NSMCE2: variants seen among roughly 807,000 people sequenced by gnomAD.
The protein encoded by NSMCE2 is E3 SUMO-protein ligase NSE2.
Under a neutral mutation model 23.8 loss-of-function variants are expected in NSMCE2, and 24 were observed. The ratio of observed to expected loss-of-function variants is 1.01; its 90% CI spans 0.73 to 1.42. The LOEUF (loss-of-function observed/expected upper bound fraction) is 1.42. NSMCE2 is among the 40% of genes most tolerant of loss of function. The pLI is 0.00. For synonymous variants in NSMCE2, 92 were observed against 94.1 expected (o/e 0.98, Z 0.13); for missense variants, 284 against 296.5 (o/e 0.96, Z 0.31).
chr8:125,197,778 G>T (rs1224208846), intron 5 of NSMCE2, among the ~76,000 whole-genome samples: 1 of 152,132 alleles, frequency 6.6e-6, no homozygotes, highest in Non-Finnish European at 1.5e-5. Flanking sequence ...AAATTACTTT[G>T]GGCAGTATGG....
chr8:125,147,967 T>C (rs1342668639), intron 3 of NSMCE2, among the ~76,000 whole-genome samples: 1 of 152,192 alleles, frequency 6.6e-6, no homozygotes, highest in Non-Finnish European at 1.5e-5. Flanking sequence ...GTTCTCATCG[T>C]AGGTCTCTGG....
At chr8:125,173,973 G>A (rs1196040739) in intron 4 of NSMCE2, among the ~76,000 whole-genome samples, 1 of 152,112 alleles carries the variant, frequency 6.6e-6, no homozygotes, top group East Asian at 1.9e-4. Flanking sequence ...CCACTCAGAC[G>A]AAAGGTGCTG....
chr8:125,173,074 G>A (rs1216373319), intron 4 of NSMCE2, among the ~76,000 whole-genome samples: 3 of 152,158 alleles, frequency 2.0e-5, no homozygotes, highest in African/African-American at 7.2e-5. Context: ...TCATCCTGTT[G>A]CAACAATCTT....
chr8:125,150,283 C>T (rs1294972896), intron 3 of NSMCE2, among the ~76,000 whole-genome samples: 1 of 152,012 alleles, frequency 6.6e-6, no homozygotes, highest in East Asian at 1.9e-4. Flanking sequence ...CATTCTGTTG[C>T]CCCACTTCTC....
At chr8:125,345,984 C>T (rs536820224) in intron 5 of NSMCE2, among the ~76,000 whole-genome samples, 6 of 152,204 alleles carry the variant, frequency 3.9e-5, no homozygotes, top group Admixed American at 1.3e-4. Flanking sequence ...GGCAAAACCC[C>T]GTCTCTACTA....
chr8:125,117,773 A>G (rs1403911182), intron 3 of NSMCE2, among the ~76,000 whole-genome samples: 1 of 152,158 alleles, frequency 6.6e-6, no homozygotes, highest in Non-Finnish European at 1.5e-5. Context: ...TCCTGAGGAC[A>G]AAGATCTCAG....
At chr8:125,105,312 A>G (rs951131730) in intron 3 of NSMCE2, among the ~76,000 whole-genome samples, 1 of 152,156 alleles carries the variant, frequency 6.6e-6, no homozygotes, top group African/African-American at 2.4e-5. Context: ...GTTTTTGGTG[A>G]TCATAATTTA....
chr8:125,338,947 T>A (rs555126497), intron 5 of NSMCE2, among the ~76,000 whole-genome samples: 2 of 152,286 alleles, frequency 1.3e-5, no homozygotes, highest in South Asian at 4.1e-4. Context: ...TGCCCTAGAT[T>A]TACAGTTGAC....
intron 5 of NSMCE2, among the ~76,000 whole-genome samples, chr8:125,237,360 T>C (rs1290628201): frequency 6.6e-6 from 1 of 152,228 alleles, no homozygotes; most frequent in East Asian, 1.9e-4. Context: ...TAGCAGTTTT[T>C]CTGTCTCTAA....
intron 5 of NSMCE2, among the ~76,000 whole-genome samples, chr8:125,282,992 C>T (rs1345653935): frequency 6.6e-6 from 1 of 152,202 alleles, no homozygotes; most frequent in African/African-American, 2.4e-5. Context: ...TAAAGCCAAA[C>T]TGCCTGGATT....
intron 3 of NSMCE2, among the ~76,000 whole-genome samples, chr8:125,115,497 T>C (rs1365000154): frequency 1.3e-5 from 2 of 152,238 alleles, no homozygotes; most frequent in Non-Finnish European, 2.9e-5. Flanking sequence ...ACGCCTGTAA[T>C]CCCAGCACTT....
At chr8:125,210,306 GAATAGAT>G (rs1824275693) in intron 5 of NSMCE2, among the ~76,000 whole-genome samples, 1 of 152,132 alleles carries the variant, frequency 6.6e-6, no homozygotes, top group Non-Finnish European at 1.5e-5. Context: ...ACATCATGTA[GAATAGAT>G]AATTGCTTTC....
chr8:125,095,882 C>CAAAAAA (rs1174381155), intron 1 of NSMCE2, among the ~76,000 whole-genome samples: 21 of 65,484 alleles, frequency 3.2e-4, no homozygotes, highest in East Asian at 1.3e-3. Flanking sequence ...AACTCCATCT[C>CAAAAAA]AAAAAAAAAA....
chr8:125,339,515 A>G (rs1355676628), intron 5 of NSMCE2, among the ~76,000 whole-genome samples: 2 of 152,170 alleles, frequency 1.3e-5, no homozygotes, highest in African/African-American at 4.8e-5. Flanking sequence ...TAATCCTGGG[A>G]AAATATTAAG....
At chr8:125,181,409 A>G (rs1391880856) in intron 4 of NSMCE2, among the ~76,000 whole-genome samples, 1 of 152,192 alleles carries the variant, frequency 6.6e-6, no homozygotes, top group African/African-American at 2.4e-5. Context: ...AGATGAATAG[A>G]TATGTGATAA....
intron 3 of NSMCE2, among the ~76,000 whole-genome samples, chr8:125,114,746 G>C (rs1818914581): frequency 6.6e-6 from 1 of 152,064 alleles, no homozygotes; most frequent in Non-Finnish European, 1.5e-5. Context: ...GAGAAACTCT[G>C]ATACACACAC....
intron 5 of NSMCE2, among the ~76,000 whole-genome samples, chr8:125,217,831 C>T (rs1393829795): frequency 1.3e-5 from 2 of 151,446 alleles, no homozygotes; most frequent in African/African-American, 4.9e-5. Flanking sequence ...CAGTTGCTTG[C>T]TGACCCAGCC....
chr8:125,217,620 C>T (rs536373678), intron 5 of NSMCE2, among the ~76,000 whole-genome samples: 1 of 152,246 alleles, frequency 6.6e-6, no homozygotes, highest in South Asian at 2.1e-4. Flanking sequence ...CCTGCCTTGG[C>T]CTCCCAAAGT....
At chr8:125,188,047 G>A (rs1823182983) in intron 5 of NSMCE2, among the ~76,000 whole-genome samples, 1 of 152,088 alleles carries the variant, frequency 6.6e-6, no homozygotes, top group Admixed American at 6.6e-5. Flanking sequence ...GACATATAGA[G>A]ACATAGGAAT....
Sources: gnomAD v4.1 joint callset for allele counts (sites outside exome capture counted in the v4.1 genomes callset) on GRCh38, gnomAD v4.1.1 for gene constraint, MANE v1.5 for transcripts, NCBI Gene and HGNC (gene_info 2026-07-23, HGNC 2026-07-21) for gene names.